Variants in FHIT observed in about 807,000 individuals in gnomAD.
FHIT encodes the protein fragile histidine triad diadenosine triphosphatase.
Under a neutral mutation model 17.9 loss-of-function variants are expected in FHIT, and 19 were observed. That is an observed-to-expected ratio of 1.06 (90% confidence interval 0.74 to 1.56). FHIT has a LOEUF of 1.56. Among genes scored for constraint, FHIT ranks in the 40% most tolerant of loss-of-function variants. FHIT has a pLI of 0.00. For missense variants in FHIT, 248 were observed against 189.2 expected (o/e 1.31, Z -1.82); for synonymous variants, 81 against 69.7 (o/e 1.16, Z -0.81).
At chr3:60,528,489 T>G (rs1316559503) in intron 5 of FHIT, among the ~76,000 whole-genome samples, 1 of 152,002 alleles carries the variant, frequency 6.6e-6, no homozygotes, top group African/African-American at 2.4e-5. Context: ...ATGCTACAAG[T>G]AAGCTTTCCC....
intron 3 of FHIT, among the ~76,000 whole-genome samples, chr3:60,861,913 G>C (rs1703923306): frequency 6.2e-5 from 9 of 145,062 alleles, no homozygotes. Flanking sequence ...TCGCGCCACT[G>C]CACTGGGCAA....
chr3:60,931,594 C>A (rs960045228), intron 3 of FHIT, among the ~76,000 whole-genome samples: 6 of 128,284 alleles, frequency 4.7e-5, no homozygotes, highest in South Asian at 2.8e-4. Context: ...CGGCTTCCAC[C>A]CCTGTTTGTA....
intron 5 of FHIT, among the ~76,000 whole-genome samples, chr3:60,357,917 C>A (rs1445103279): frequency 6.6e-6 from 1 of 152,108 alleles, no homozygotes; most frequent in Non-Finnish European, 1.5e-5. Context: ...TGACCTTCTC[C>A]CAGTAGATAA....
intron 5 of FHIT, among the ~76,000 whole-genome samples, chr3:60,401,932 C>T (rs1016372982): frequency 6.6e-6 from 1 of 152,108 alleles, no homozygotes; most frequent in East Asian, 1.9e-4. Context: ...TTCTCTGAAG[C>T]CTTTCATTTC....
intron 4 of FHIT, among the ~76,000 whole-genome samples, chr3:60,744,755 A>ATC (rs782316908): frequency 3.9e-4 from 59 of 152,344 alleles, no homozygotes; most frequent in Non-Finnish European, 5.6e-4. Flanking sequence ...CTGTTCTGAT[A>ATC]GAGATTCATC....
chr3:61,018,865 T>A (rs1275040656), intron 3 of FHIT, among the ~76,000 whole-genome samples: 1 of 152,174 alleles, frequency 6.6e-6, no homozygotes, highest in East Asian at 1.9e-4. Flanking sequence ...CATTGTCCCC[T>A]AGATCCTCAT....
At chr3:59,784,416 T>C (rs1171601305) in intron 8 of FHIT, among the ~76,000 whole-genome samples, 1 of 152,236 alleles carries the variant, frequency 6.6e-6, no homozygotes, top group Non-Finnish European at 1.5e-5. Context: ...TCCCTGGCTT[T>C]CCATTCTTTT....
chr3:60,421,088 G>A (rs1481290087), intron 5 of FHIT, among the ~76,000 whole-genome samples: 1 of 147,772 alleles, frequency 6.8e-6, no homozygotes, highest in Non-Finnish European at 1.5e-5. Flanking sequence ...CAGTTTTGAT[G>A]AGATGGCTAG....
chr3:60,415,339 A>G (rs964349101), intron 5 of FHIT, among the ~76,000 whole-genome samples: 3 of 152,194 alleles, frequency 2.0e-5, no homozygotes, highest in Admixed American at 2.0e-4. Context: ...CATGTACCAA[A>G]TAATTTATAG....
intron 4 of FHIT, among the ~76,000 whole-genome samples, chr3:60,551,374 C>T (rs1042251162): frequency 7.0e-6 from 1 of 141,952 alleles, no homozygotes; most frequent in East Asian, 2.1e-4. Flanking sequence ...TAATACCTCT[C>T]ATTTGGGAGA....
chr3:60,690,333 A>G, intron 4 of FHIT: 1 of 569,080 alleles, frequency 1.8e-6, no homozygotes, highest in African/African-American at 1.9e-5. Flanking sequence ...TCACCCTGCC[A>G]AAGACCACTT....
In FHIT at chr3:60,862,204, T is replaced by C. The variant is rs966075602; in HGVS notation, c.-110-40193A>G. On this transcript the variant is annotated intron_variant, in intron 3 of 9. Transcript: ENST00000492590. ...TTTTTGTTTTTGTTTTTTAAGACAG[T>C]GTCTTGTTCTATTGCCCAGGCTGGA... 7.3e-4 allele frequency among the ~76,000 whole-genome samples: 111 copies of C among 152,240 alleles called. 1 individual carries two copies. Among genetic ancestry groups the C allele is most frequent in the African/African-American group, 2.6e-3 (107 of 41,544 alleles).
chr3:61,230,129 C>T (rs1425789113), intron 1 of FHIT, among the ~76,000 whole-genome samples: 1 of 152,194 alleles, frequency 6.6e-6, no homozygotes, highest in Non-Finnish European at 1.5e-5. Flanking sequence ...AATGCCAAGA[C>T]ACAATGAGAA....
intron 5 of FHIT, among the ~76,000 whole-genome samples, chr3:60,298,543 T>G (rs889323739): frequency 6.6e-6 from 1 of 152,190 alleles, no homozygotes; most frequent in African/African-American, 2.4e-5. Context: ...TCACCATCTT[T>G]GACTTTTTCC....
At chr3:60,837,956 A>G (rs968744874) in intron 3 of FHIT, among the ~76,000 whole-genome samples, 1 of 152,154 alleles carries the variant, frequency 6.6e-6, no homozygotes, top group South Asian at 2.1e-4. Context: ...ATGCATTTAC[A>G]TCCACATCAG....
intron 5 of FHIT, among the ~76,000 whole-genome samples, chr3:60,130,504 C>T (rs111813769): frequency 5.9e-5 from 9 of 152,162 alleles, no homozygotes; most frequent in African/African-American, 2.2e-4. Flanking sequence ...AAGACTGGAA[C>T]TCAGACGGCA....
At chr3:60,019,605 A>T (rs1700477398) in intron 5 of FHIT, among the ~76,000 whole-genome samples, 1 of 151,864 alleles carries the variant, frequency 6.6e-6, no homozygotes, top group Non-Finnish European at 1.5e-5. Context: ...TTTAGTAGAG[A>T]TGGGGTTTCT....
At chr3:61,020,855 T>C (rs1245602212) in intron 3 of FHIT, among the ~76,000 whole-genome samples, 2 of 151,984 alleles carry the variant, frequency 1.3e-5, no homozygotes, top group Non-Finnish European at 2.9e-5. Flanking sequence ...CAAGTAAATG[T>C]AAAGCAAAAA....
rs1244436566 is a variant in FHIT at position 60,328,794 on chromosome 3, G to T, written c.103+208066C>A. ...AAAATGTGTCTTGATTAATGCTGTGGTCTTTACCAGGAGCAGTTTTCCCAC... is the reference window on the plus strand; with the variant it reads ...AAAATGTGTCTTGATTAATGCTGTGTTCTTTACCAGGAGCAGTTTTCCCAC... On this transcript the variant is annotated intron_variant, in intron 5 of 9. Transcript: ENST00000492590. Among the ~76,000 whole-genome samples the T allele has an allele frequency of 2.0e-5, 3 of 152,150 alleles. No homozygotes were observed. In the East Asian group the frequency reaches 5.8e-4, roughly 29 times the overall value.
Sources: allele counts gnomAD v4.1 joint callset (sites outside exome capture counted in the v4.1 genomes callset), GRCh38; gene constraint gnomAD v4.1.1; transcripts MANE v1.5; gene names NCBI Gene and HGNC (gene_info 2026-07-23, HGNC 2026-07-21).